Variants in TPST1 observed in about 807,000 individuals in gnomAD.
TPST1 encodes the protein protein-tyrosine sulfotransferase 1.
TPST1 carries 20 observed loss-of-function variants against 34.8 expected under a neutral mutation model. The ratio of observed to expected loss-of-function variants is 0.57; its 90% CI spans 0.40 to 0.84. The LOEUF is 0.84. Ranked by LOEUF, TPST1 falls within the 40% of genes least tolerant of loss-of-function variation. The pLI, the probability that TPST1 is intolerant of heterozygous loss-of-function variation, is 0.00. For missense variants in TPST1, 353 were observed against 455.5 expected, an observed-to-expected ratio of 0.78 and a Z score of 2.05; for synonymous variants, 152 against 159.4, an observed-to-expected ratio of 0.95 and a Z score of 0.35.
At position 66,259,000 on chromosome 7, in the gene TPST1, ATAT is replaced by A. The variant is rs527321426; in HGVS notation, c.845+17735_845+17737del. 9.8e-5 allele frequency among the ~76,000 whole-genome samples: 15 copies of A among 152,306 alleles called. No individual in the cohort carries two copies. The East Asian group carries it at 2.9e-3, about 29-fold the overall frequency. ...ATAATTTTCTCTTAGTGTTTTGAAG[ATAT>A]TATTCCACCATCCACTAGTTGCAGT... is the stretch of plus-strand genomic sequence containing the variant. On this transcript the variant is annotated intron_variant, in intron 2 of 5. Transcript: ENST00000304842.
chr7:66,324,884 C>CA (rs371333989), intron 3 of TPST1, among the ~76,000 whole-genome samples: 73 of 148,234 alleles, frequency 4.9e-4, no homozygotes, highest in Middle Eastern at 3.6e-3. Context: ...TTCTTCCAGG[C>CA]AAAAAAAACA....
chr7:66,240,879 C>T lies in TPST1; in HGVS notation c.454C>T (p.Pro152Ser), dbSNP rs756861483. 4.3e-5 allele frequency: 69 copies of T among 1,614,166 alleles called. No homozygotes were observed. Among genetic ancestry groups the T allele is most frequent in the Non-Finnish European group, 5.8e-5 (68 of 1,180,032 alleles). The change falls in exon 2 of 6, where the codon CCA becomes TCA. Residue 152 changes from proline (P) to serine (S), a missense_variant. Physicochemically the swap from Pro to Ser is moderately conservative, Grantham distance 74. Coordinates refer to ENST00000304842, the MANE Select transcript of TPST1 (RefSeq NM_003596.4). ...LLEIIVKHGE[P>S]APYLCNKDPF... The stretch of plus-strand genomic sequence containing the variant: ...AGAAATTATCGTTAAGCATGGGGAG[C>T]CAGCCCCTTATTTATGTAATAAAGA...
At chr7:66,284,212 T>A (rs553590335) in intron 2 of TPST1, among the ~76,000 whole-genome samples, 2 of 152,342 alleles carry the variant, frequency 1.3e-5, no homozygotes, top group South Asian at 4.1e-4. Flanking sequence ...ATCATAATGA[T>A]AAATATGGCT....
chr7:66,261,164 C>A (rs551710186), intron 2 of TPST1, among the ~76,000 whole-genome samples: 1 of 150,562 alleles, frequency 6.6e-6, no homozygotes, highest in Non-Finnish European at 1.5e-5. Context: ...CCCCATTTCT[C>A]GGGAAACAGT....
Position 66,208,660 on chromosome 7 carries a change from G to A in TPST1, c.-102+3138G>A, listed in dbSNP as rs563648411. Among the ~76,000 whole-genome samples, 467 of 152,028 alleles carry A rather than the reference G, an allele frequency of 3.1e-3. 3 individuals are homozygous for A. The highest frequency in any genetic ancestry group is 4.8e-3 in the Non-Finnish European group (328 of 67,972). On this transcript the variant is annotated intron_variant, in intron 1 of 5. Coordinates refer to ENST00000304842, the MANE Select transcript of TPST1 (RefSeq NM_003596.4). ...ATTTTTGTATTTTTAGTAGAGACAG[G>A]GTTTCATCATGTTGGACAGGCTGGT...
At chr7:66,250,264 A>G (rs1790236071) in intron 2 of TPST1, among the ~76,000 whole-genome samples, 1 of 152,166 alleles carries the variant, frequency 6.6e-6, no homozygotes, top group Admixed American at 6.5e-5. Context: ...GAGGGACTTG[A>G]GGCTCCCAGA....
intron 1 of TPST1, among the ~76,000 whole-genome samples, chr7:66,218,583 C>T (rs563768028): frequency 7.2e-5 from 11 of 152,280 alleles, no homozygotes; most frequent in African/African-American, 2.6e-4. Context: ...CGGTGGCTCA[C>T]GCCTGTAATC....
At chr7:66,279,830 A>T (rs1168817207) in intron 2 of TPST1, among the ~76,000 whole-genome samples, 1 of 152,248 alleles carries the variant, frequency 6.6e-6, no homozygotes, top group Non-Finnish European at 1.5e-5. Flanking sequence ...AGTACCTTAC[A>T]ATCCTAATGC....
chr7:66,253,370 CTTTTTTTT>C (rs199518226), intron 2 of TPST1, among the ~76,000 whole-genome samples: 2 of 130,174 alleles, frequency 1.5e-5, no homozygotes, highest in Non-Finnish European at 3.3e-5. Flanking sequence ...AGATCGCTTT[CTTTTTTTT>C]TTTTTTTTTT....
chr7:66,296,525 G>C (rs1324701036), intron 3 of TPST1, among the ~76,000 whole-genome samples: 1 of 152,032 alleles, frequency 6.6e-6, no homozygotes, highest in Non-Finnish European at 1.5e-5. Context: ...AAAAGAGATT[G>C]TTGACCGTTA....
chr7:66,284,866 T>G (rs904984357), intron 2 of TPST1, among the ~76,000 whole-genome samples: 11 of 152,172 alleles, frequency 7.2e-5, no homozygotes, highest in African/African-American at 2.7e-4. Context: ...CTCATCTCTA[T>G]TTCTAATTCA....
At chr7:66,311,068 T>C (rs1461768197) in intron 3 of TPST1, among the ~76,000 whole-genome samples, 1 of 152,128 alleles carries the variant, frequency 6.6e-6, no homozygotes, top group African/African-American at 2.4e-5. Flanking sequence ...GCAACAACCA[T>C]GGAGTTAAAT....
intron 1 of TPST1, among the ~76,000 whole-genome samples, chr7:66,231,006 A>G (rs1478864351): frequency 6.6e-6 from 1 of 152,066 alleles, no homozygotes; most frequent in African/African-American, 2.4e-5. Context: ...TGAGCTAGAC[A>G]CAGGGTGCTG....
intron 3 of TPST1, among the ~76,000 whole-genome samples, chr7:66,298,951 C>T (rs572747461): frequency 1.5e-4 from 23 of 151,800 alleles, no homozygotes; most frequent in Non-Finnish European, 2.9e-4. Context: ...GTGAAACCCC[C>T]GTCTCTACTA....
At chr7:66,327,095 T>A (rs561127767) in intron 3 of TPST1, among the ~76,000 whole-genome samples, 1 of 152,342 alleles carries the variant, frequency 6.6e-6, no homozygotes, top group South Asian at 2.1e-4. Context: ...TGTGTAATCA[T>A]ATCTGGCTGG....
intron 2 of TPST1, among the ~76,000 whole-genome samples, chr7:66,277,365 A>G (rs944774515): frequency 1.3e-5 from 2 of 152,106 alleles, no homozygotes; most frequent in Non-Finnish European, 2.9e-5. Context: ...TCCCATTCTC[A>G]GTTTTCAGAT....
At chr7:66,272,410 A>G (rs1369258328) in intron 2 of TPST1, among the ~76,000 whole-genome samples, 2 of 152,168 alleles carry the variant, frequency 1.3e-5, no homozygotes, top group African/African-American at 4.8e-5. Context: ...GCATTTGACA[A>G]AATTCAGCAT....
chr7:66,234,187 G>C (rs1475284178), intron 1 of TPST1, among the ~76,000 whole-genome samples: 2 of 152,138 alleles, frequency 1.3e-5, no homozygotes, highest in Admixed American at 6.6e-5. Flanking sequence ...GCGTTAAAAC[G>C]CCTTCCCGTT....
chr7:66,231,264 T>A (rs1002382940), intron 1 of TPST1, among the ~76,000 whole-genome samples: 1 of 152,190 alleles, frequency 6.6e-6, no homozygotes, highest in African/African-American at 2.4e-5. Flanking sequence ...GTTCTCCACG[T>A]CCCCACCAGA....
Sources: gnomAD v4.1 joint callset for allele counts (sites outside exome capture counted in the v4.1 genomes callset) on GRCh38, gnomAD v4.1.1 for gene constraint, MANE v1.5 for transcripts, NCBI Gene and HGNC (gene_info 2026-07-23, HGNC 2026-07-21) for gene names.